Variants in GPSM1 observed in about 807,000 individuals in gnomAD.
GPSM1 encodes the protein G protein signaling modulator 1, also known as G protein-signaling modulator 1.
In GPSM1, 48 loss-of-function variants were observed where a neutral mutation model predicts 70.5. That is an observed-to-expected ratio of 0.68 (90% CI 0.54 to 0.87). The LOEUF (loss-of-function observed/expected upper bound fraction) is 0.87. Among genes scored for constraint, GPSM1 ranks in the 40% least tolerant of loss-of-function variants. The pLI is 0.00. For synonymous variants in GPSM1, 416 were observed against 430.1 expected (o/e 0.97, Z 0.41); for missense variants, 981 against 972.6 (o/e 1.01, Z -0.11).
In GPSM1 at chr9:136,336,033, G is replaced by A; in HGVS notation, c.358G>A (p.Gly120Arg). 1.9e-6 allele frequency: 3 copies of A among 1,612,504 alleles called. No homozygotes were observed. The highest frequency in any genetic ancestry group is 2.5e-6 in the Non-Finnish European group (3 of 1,179,900). Residue 120 changes from glycine (G) to arginine (R), a missense_variant, in exon 3 of 14, where the codon GGG (glycine) becomes AGG (arginine). By Grantham distance (125) the Gly-to-Arg change is moderately radical. Transcript: ENST00000440944. ...GNLGNTLKVL[G>R]RFDEAAVCCQ... is the part of the protein sequence containing the mutation. ...CCTGGGAAACACACTCAAGGTCCTG[G>A]GGCGCTTCGACGAGGCTGCCGTCTG...
chr9:136,332,233 G>A (rs2131392330), intron 1 of GPSM1: 2 of 398,852 alleles, frequency 5.0e-6, no homozygotes, highest in Non-Finnish European at 8.8e-6. Flanking sequence ...GTTGGAGGCT[G>A]TCTTGGGATG....
chr9:136,344,190 G>A (rs1832463263), intron 9 of GPSM1, among the ~76,000 whole-genome samples: 1 of 148,336 alleles, frequency 6.7e-6, no homozygotes, highest in Non-Finnish European at 1.5e-5. Context: ...ACAGGAGCGG[G>A]GGGAGGCGCG....
At chr9:136,351,191 C>G (rs1554772009) in intron 11 of GPSM1, among the ~76,000 whole-genome samples, 2 of 152,108 alleles carry the variant, frequency 1.3e-5, no homozygotes, top group African/African-American at 4.8e-5. Context: ...CAGGGCACAG[C>G]CTACCTTCCC....
Position 136,337,895 on chromosome 9 carries a change from C to G in GPSM1, c.752C>G (p.Ala251Gly). 6.2e-7 allele frequency: 1 copy of G among 1,612,706 alleles called. No homozygotes were observed. Among genetic ancestry groups the G allele is most frequent in the Non-Finnish European group, 8.5e-7 (1 of 1,179,840 alleles). ...EFGDKAAERR[A>G]YSNLGNAHVF... ...GGAGACAAGGCAGCCGAGAGGAGGG[C>G]CTACAGCAACCTGGGGAACGCCCAC... The change falls in exon 6 of 14, where the codon GCC becomes GGC. Residue 251 changes from alanine (A) to glycine (G), a missense_variant. By Grantham distance (60) the Ala-to-Gly change is moderately conservative. Coordinates refer to ENST00000440944, the MANE Select transcript of GPSM1 (RefSeq NM_001145638.3).
At chr9:136,354,903 TG>T in intron 11 of GPSM1, 11 of 1,016,274 alleles carry the variant, frequency 1.1e-5, no homozygotes, top group Non-Finnish European at 1.3e-5. Context: ...CCGGGATGTC[TG>T]GGAAGTGTTC....
At position 136,338,394 on chromosome 9, in the gene GPSM1, G is replaced by A. The variant is rs556022191; in HGVS notation, c.819-161G>A. On this transcript the variant is annotated intron_variant, in intron 6 of 13. Transcript: ENST00000440944. ...CCGTCCCCCTGGGGCCAACAGTCCC[G>A]CTCTGTGGCCATGTGAGGGTGGGGA... Among the ~76,000 whole-genome samples the A allele has an allele frequency of 4.6e-5, 7 of 152,314 alleles. No individual in the cohort carries two copies. In the East Asian group the frequency reaches 5.8e-4, roughly 13 times the overall value.
intron 11 of GPSM1, 21 bp from the exon 12 acceptor site, chr9:136,355,669 G>A (rs782543513): frequency 5.6e-6 from 9 of 1,608,562 alleles, no homozygotes; most frequent in East Asian, 4.5e-5. Context: ...TTTGGCTGCG[G>A]TGACCCCACT....
In GPSM1 at chr9:136,334,636, G is replaced by A. The variant is rs375114870; in HGVS notation, c.258G>A (p.Leu86=). 1.2e-6 allele frequency: 2 copies of A among 1,612,444 alleles called. No homozygotes were observed. The highest frequency in any genetic ancestry group is 1.7e-6 in the Non-Finnish European group (2 of 1,179,922). ...ACCTGAAGGAGCACGGCCGGGCGCTGGAATACCACAAGCATGACCTCCTGC... is the reference window on the plus strand; with the variant it reads ...ACCTGAAGGAGCACGGCCGGGCGCTAGAATACCACAAGCATGACCTCCTGC... ...YFYLKEHGRA[L]EYHKHDLLLA... Residue 86 remains leucine (L), a synonymous_variant, in exon 2 of 14, where the codon CTG becomes CTA. Transcript: ENST00000440944.
intron 1 of GPSM1, among the ~76,000 whole-genome samples, chr9:136,333,783 C>T (rs1832158851): frequency 6.6e-6 from 1 of 152,124 alleles, no homozygotes; most frequent in African/African-American, 2.4e-5. Flanking sequence ...GAGCGCTTAG[C>T]TCTGTGGGTG....
chr9:136,335,658 C>T (rs1564342766), intron 2 of GPSM1, among the ~76,000 whole-genome samples: 1 of 152,176 alleles, frequency 6.6e-6, no homozygotes, highest in East Asian at 1.9e-4. Flanking sequence ...CAGACCCCAG[C>T]CCCCTGCCCC....
rs541236334 is a variant in GPSM1 at position 136,356,557 on chromosome 9, TGCGGCCCTGGGCGGGCGTGGCTC to T, written c.1821+15_1821+37del. Reference sequence around the variant, plus strand: ...CATGCTCATCAAGTACCAGGTGGGCTGCGGCCCTGGGCGGGCGTGGCTCGCGGCCCCTTTGCCATCCACGTGTG... The same window carrying T: ...CATGCTCATCAAGTACCAGGTGGGCTGCGGCCCCTTTGCCATCCACGTGTG... On this transcript the variant is annotated splice_region_variant and intron_variant, in intron 13 of 13. Coordinates refer to ENST00000440944, the MANE Select transcript of GPSM1 (RefSeq NM_001145638.3). 2,997 of 1,604,750 alleles carry T rather than the reference TGCGGCCCTGGGCGGGCGTGGCTC, an allele frequency of 1.9e-3. 7 individuals carry two copies. The highest frequency in any genetic ancestry group is 2.3e-3 in the Non-Finnish European group (2,742 of 1,174,332).
At chr9:136,348,634 C>A in intron 9 of GPSM1, 63 bp from the exon 10 acceptor site, 2 of 1,299,152 alleles carry the variant, frequency 1.5e-6, no homozygotes, top group East Asian at 2.4e-5. Flanking sequence ...GAGACTCTGG[C>A]CTGGCCCACC....
At chr9:136,357,986 G>C (rs1554773489) in intron 13 of GPSM1, 28 bp from the exon 14 acceptor site, 1 of 1,591,070 alleles carries the variant, frequency 6.3e-7, no homozygotes, top group Non-Finnish European at 8.6e-7. Context: ...GGGGGGGTGA[G>C]GCCGCCAACT....
rs782690928 is a variant in GPSM1, at chr9:136,349,779, G to A, written c.1455+16G>A. 3.7e-5 allele frequency: 58 copies of A among 1,551,782 alleles called. No homozygotes were observed. The highest frequency in any genetic ancestry group is 6.8e-5 in the African/African-American group (5 of 73,514). On this transcript the variant is annotated intron_variant, in intron 11 of 13. Coordinates refer to ENST00000440944, the MANE Select transcript of GPSM1 (RefSeq NM_001145638.3). ...GCCACGCACGGTAGGCGTCTTTGAC[G>A]GCAGATCCAGGCCGAGAGGGAGGAG...
rs1303555227 is a variant in GPSM1, at chr9:136,343,638, C to G, written c.1207+2645C>G. On this transcript the variant is annotated intron_variant, in intron 9 of 13. Transcript: ENST00000440944. The surrounding 1 kb of genome is among the most constrained non-coding windows in gnomAD (Gnocchi z 6.0). ...GCAGTTTAGGCTGTGGGCTCCAGCC[C>G]TGGCCAGCTGATCAAGTGACTTGAC... Among the ~76,000 whole-genome samples the G allele has an allele frequency of 6.6e-6, 1 of 152,240 alleles. No homozygotes were observed. The highest frequency in any genetic ancestry group is 2.4e-5 in the African/African-American group (1 of 41,466).
intron 10 of GPSM1, among the ~76,000 whole-genome samples, chr9:136,349,321 G>A (rs536788263): frequency 9.8e-5 from 15 of 152,348 alleles, no homozygotes; most frequent in African/African-American, 2.4e-4. Flanking sequence ...CTGTGGGGAC[G>A]AGACCCAAGG....
In GPSM1 at chr9:136,338,570, G is replaced by A. The variant is rs557439703; in HGVS notation, c.834G>A (p.Leu278=). 1.9e-6 allele frequency: 3 copies of A among 1,611,348 alleles called. No homozygotes were observed. The highest frequency in any genetic ancestry group is 1.7e-5 in the Admixed American group (1 of 59,914). Residue 278 remains leucine (L), a synonymous_variant, in exon 7 of 14, where the codon CTG becomes CTA. Coordinates refer to ENST00000440944, the MANE Select transcript of GPSM1 (RefSeq NM_001145638.3). ...AAEYYKKTLQ[L]SRQLRDQAVE... Reference sequence around the variant, plus strand: ...CTCTGCACAGGAAGACGCTGCAACTGTCTCGGCAGCTCAGGGACCAGGCAG... The same window carrying A: ...CTCTGCACAGGAAGACGCTGCAACTATCTCGGCAGCTCAGGGACCAGGCAG...
At position 136,341,275 on chromosome 9, in the gene GPSM1, A is replaced by C; in HGVS notation, c.1207+282A>C. 6.8e-7 allele frequency: 1 copy of C among 1,470,396 alleles called. No individual in the cohort carries two copies. The highest frequency in any genetic ancestry group is 2.5e-5 in the East Asian group (1 of 39,928). 91.1% of individuals were successfully genotyped at this position (1,470,396 alleles called of 1,614,324 possible). On this transcript the variant is annotated intron_variant, in intron 9 of 13. Coordinates refer to ENST00000440944, the MANE Select transcript of GPSM1 (RefSeq NM_001145638.3). The surrounding 1 kb of genome is among the most constrained non-coding windows in gnomAD (Gnocchi z 6.7). The stretch of plus-strand genomic sequence containing the variant: ...TGGCTGCTCCAGGGCCTCCACCCCC[A>C]CCTCCCCCTGGAGCCCTCGGTGCAG...
At chr9:136,332,613 G>C (rs1352900678) in intron 1 of GPSM1, among the ~76,000 whole-genome samples, 1 of 152,184 alleles carries the variant, frequency 6.6e-6, no homozygotes, top group African/African-American at 2.4e-5. Flanking sequence ...AGGAAGCCCC[G>C]TGCGTGGCGC....
Sources: gnomAD v4.1 joint callset for allele counts (sites outside exome capture counted in the v4.1 genomes callset) on GRCh38, gnomAD v4.1.1 for gene constraint, Gnocchi (gnomAD v3.1) non-coding constraint, MANE v1.5 for transcripts, NCBI Gene and HGNC (gene_info 2026-07-23, HGNC 2026-07-21) for gene names.